SHQ1: variants seen among roughly 807,000 people sequenced by gnomAD.
SHQ1 encodes the protein protein SHQ1 homolog.
Under a neutral mutation model 53.8 loss-of-function variants are expected in SHQ1, and 49 were observed. The observed-to-expected ratio is 0.91, with a 90% CI of 0.72 to 1.16. SHQ1 has a LOEUF of 1.16. Ranked by LOEUF, SHQ1 falls within the 50% of genes most tolerant of loss-of-function variation. The probability of loss-of-function intolerance (pLI) is 0.00; values close to 1 mark genes in which losing one functional copy is unlikely to be tolerated. For missense variants in SHQ1, 738 were observed against 683.1 expected (o/e 1.08, Z -0.90); for synonymous variants, 243 against 251.0 (o/e 0.97, Z 0.30).
At chr3:72,835,773 C>G (rs1489554794) in intron 4 of SHQ1, among the ~76,000 whole-genome samples, 1 of 152,164 alleles carries the variant, frequency 6.6e-6, no homozygotes, top group Non-Finnish European at 1.5e-5. Flanking sequence ...CAATCCTGAG[C>G]CTTTACGCTT....
chr3:72,764,721 T>A (rs541962351), intron 10 of SHQ1, among the ~76,000 whole-genome samples: 1 of 152,190 alleles, frequency 6.6e-6, no homozygotes, highest in South Asian at 2.1e-4. Flanking sequence ...AACCCAGGTC[T>A]CTGAACAGGA....
chr3:72,788,478 C>A (rs1267343580), intron 10 of SHQ1, among the ~76,000 whole-genome samples: 32 of 151,856 alleles, frequency 2.1e-4, no homozygotes, highest in African/African-American at 6.8e-4. Context: ...CTCCGCCCGG[C>A]AGCCGCCGCG....
At chr3:72,729,856 C>T in the SHQ1 span, among the ~76,000 whole-genome samples, 9 of 152,058 alleles carry the variant, frequency 5.9e-5, no homozygotes, top group Admixed American at 3.3e-4. Context: ...GTCTCACTGT[C>T]GCCCAGGCTG....
At chr3:72,739,821 G>A in the SHQ1 span, among the ~76,000 whole-genome samples, 1 of 152,230 alleles carries the variant, frequency 6.6e-6, no homozygotes, top group Non-Finnish European at 1.5e-5. Context: ...AGACAAGTGT[G>A]AGAAGGAGCC....
At chr3:72,775,426 G>T (rs1705938925) in intron 10 of SHQ1, among the ~76,000 whole-genome samples, 1 of 141,824 alleles carries the variant, frequency 7.1e-6, no homozygotes, top group Non-Finnish European at 1.5e-5. Context: ...AAATAGTTAA[G>T]AATTTTCCCA....
intron 10 of SHQ1, among the ~76,000 whole-genome samples, chr3:72,785,547 T>C (rs1312572005): frequency 2.0e-5 from 3 of 152,224 alleles, no homozygotes; most frequent in African/African-American, 7.2e-5. Flanking sequence ...ACCCTATTAC[T>C]ATAACATCGT....
At chr3:72,777,258 A>T (rs1240228509) in intron 10 of SHQ1, among the ~76,000 whole-genome samples, 1 of 152,230 alleles carries the variant, frequency 6.6e-6, no homozygotes, top group Non-Finnish European at 1.5e-5. Flanking sequence ...AGGAGACTGA[A>T]ACATAAACTA....
chr3:72,749,621 G>A lies in SHQ1; in HGVS notation c.*663C>T, dbSNP rs184607221. On this transcript the variant is annotated 3_prime_UTR_variant, in exon 11 of 11. Coordinates refer to ENST00000325599, the MANE Select transcript of SHQ1 (RefSeq NM_018130.3). The stretch of plus-strand genomic sequence containing the variant: ...ATAGTTTTACGCAGGGTATACATAC[G>A]CCAACACATTGTACACTTTTGATAC... The A allele has an allele frequency of 7.6e-4, 167 of 218,606 alleles. No homozygotes were observed. Among genetic ancestry groups the A allele is most frequent in the African/African-American group, 3.4e-3 (153 of 44,622 alleles). 13.5% of individuals were successfully genotyped at this position (218,606 alleles called of 1,614,324 possible).
intron 4 of SHQ1, among the ~76,000 whole-genome samples, chr3:72,833,728 T>C (rs564537637): frequency 2.0e-5 from 3 of 152,316 alleles, no homozygotes; most frequent in South Asian, 4.1e-4. Flanking sequence ...ACAGAATAAA[T>C]GGACATTAGG....
intron 5 of SHQ1, 63 bp downstream of exon 5, chr3:72,832,306 A>C (rs1347871884): frequency 1.7e-6 from 2 of 1,201,036 alleles, no homozygotes; most frequent in Non-Finnish European, 2.5e-6. Flanking sequence ...TTTAAAAGAC[A>C]CTCAAAAATT....
chr3:72,833,491 TAGATAGATAGA>T (rs1707894455), intron 4 of SHQ1, among the ~76,000 whole-genome samples: 2 of 96,226 alleles, frequency 2.1e-5, no homozygotes, highest in Non-Finnish European at 4.3e-5. Flanking sequence ...GATAGATAGA[TAGATAGATAGA>T]CAGACAGACA....
At chr3:72,794,169 C>T (rs1706529770) in intron 9 of SHQ1, 1 of 152,160 alleles carries the variant, frequency 6.6e-6, no homozygotes, top group Admixed American at 6.5e-5. Flanking sequence ...ATACTGTATA[C>T]TGAGTTCATG....
intron 10 of SHQ1, among the ~76,000 whole-genome samples, chr3:72,770,866 C>T (rs940203261): frequency 2.0e-5 from 3 of 152,176 alleles, no homozygotes; most frequent in Admixed American, 6.5e-5. Context: ...AGGTGATCCC[C>T]AGAAGTTACT....
the SHQ1 span, among the ~76,000 whole-genome samples, chr3:72,743,392 G>A: frequency 3.3e-5 from 5 of 152,158 alleles, no homozygotes; most frequent in African/African-American, 7.2e-5. Flanking sequence ...AGTGGAGAAC[G>A]CTGGGAATTC....
chr3:72,834,065 A>G (rs1329840887), intron 4 of SHQ1, among the ~76,000 whole-genome samples: 3 of 152,264 alleles, frequency 2.0e-5, no homozygotes, highest in Non-Finnish European at 2.9e-5. Context: ...AAATGTGAGC[A>G]ATGCTGAATC....
chr3:72,802,367 A>G (rs1402777048), intron 9 of SHQ1, among the ~76,000 whole-genome samples: 1 of 152,112 alleles, frequency 6.6e-6, no homozygotes, highest in Non-Finnish European at 1.5e-5. Context: ...ACTCTATCCT[A>G]AGTGCTGCTG....
chr3:72,821,288 A>G (rs1575722356), intron 6 of SHQ1, among the ~76,000 whole-genome samples: 2 of 152,242 alleles, frequency 1.3e-5, no homozygotes, highest in Non-Finnish European at 2.9e-5. Flanking sequence ...ACGTGGTGTC[A>G]TAACAAGCAA....
rs561096049 is a variant in SHQ1 at position 72,803,588 on chromosome 3, C to G, written c.1060+9083G>C. Among the ~76,000 whole-genome samples the G allele has an allele frequency of 2.6e-5, 4 of 152,320 alleles. No homozygotes were observed. The South Asian group carries it at 6.2e-4, about 24-fold the overall frequency. On this transcript the variant is annotated intron_variant, in intron 9 of 10. Coordinates refer to ENST00000325599, the MANE Select transcript of SHQ1 (RefSeq NM_018130.3). ...CGGCTCCCTACAAAAGGGCTCCCCT[C>G]CAACCTCCATGTACATACCTAAGGC...
intron 4 of SHQ1, among the ~76,000 whole-genome samples, chr3:72,836,417 A>C (rs1216337703): frequency 1.3e-5 from 2 of 151,950 alleles, no homozygotes; most frequent in African/African-American, 4.8e-5. Context: ...TGAACCCGGG[A>C]GGCGGAGCTT....
Sources: allele counts gnomAD v4.1 joint callset (sites outside exome capture counted in the v4.1 genomes callset), GRCh38; gene constraint gnomAD v4.1.1; transcripts MANE v1.5; gene names NCBI Gene and HGNC (gene_info 2026-07-23, HGNC 2026-07-21).